PCDHA3: variants seen among roughly 807,000 people sequenced by gnomAD.
The protein encoded by PCDHA3 is protocadherin alpha 3, also known as protocadherin alpha-3.
In PCDHA3, 41 loss-of-function variants were observed where a neutral mutation model predicts 62.2. That is an observed-to-expected ratio of 0.66 (90% CI 0.51 to 0.86). The LOEUF (loss-of-function observed/expected upper bound fraction) is 0.86. PCDHA3 is among the 40% of genes least tolerant of loss of function. PCDHA3 has a pLI of 0.00. For synonymous variants in PCDHA3, 640 were observed against 555.4 expected, an observed-to-expected ratio of 1.15 and a Z score of -2.14; for missense variants, 1,304 against 1,241.2, an observed-to-expected ratio of 1.05 and a Z score of -0.76.
At chr5:140,851,697 TC>T in intron 1 of PCDHA3, 1 of 942,168 alleles carries the variant, frequency 1.1e-6, no homozygotes, top group Non-Finnish European at 1.3e-6. Flanking sequence ...GATAAAATGA[TC>T]AGCCATGTGA....
chr5:140,858,108 C>T (rs781859966), intron 1 of PCDHA3: 1 of 1,597,706 alleles, frequency 6.3e-7, no homozygotes, highest in South Asian at 1.1e-5. Context: ...GGCGTGGCGC[C>T]CGAGGTGGCC....
Position 140,884,687 on chromosome 5 carries a change from T to C in PCDHA3, c.2394+81096T>C, listed in dbSNP as rs782253030. The C allele has an allele frequency of 4.6e-6, 7 of 1,538,230 alleles. No homozygotes were observed. In the South Asian group the frequency reaches 8.8e-5, roughly 19 times the overall value. On this transcript the variant is annotated intron_variant, in intron 1 of 3. Coordinates refer to ENST00000522353, the MANE Select transcript of PCDHA3 (RefSeq NM_018906.3). ...GGTAAGCTTATATTTTAAAAAATTGTCTTAGTAAACACTTTAGCCTTCCTT... is the reference window on the plus strand; with the variant it reads ...GGTAAGCTTATATTTTAAAAAATTGCCTTAGTAAACACTTTAGCCTTCCTT...
chr5:140,844,747 T>C (rs1779528592), intron 1 of PCDHA3, among the ~76,000 whole-genome samples: 1 of 149,678 alleles, frequency 6.7e-6, no homozygotes, highest in Admixed American at 6.7e-5. Context: ...TATTATGGGA[T>C]AAATCTTTGA....
At chr5:140,829,537 G>A (rs782695954) in intron 1 of PCDHA3, 1 of 1,613,080 alleles carries the variant, frequency 6.2e-7, no homozygotes, top group Non-Finnish European at 8.5e-7. Context: ...CGCGAGACGC[G>A]GACGCGCAGG....
At chr5:140,962,786 A>G (rs1377248587) in intron 1 of PCDHA3, among the ~76,000 whole-genome samples, 6 of 152,216 alleles carry the variant, frequency 3.9e-5, no homozygotes, top group African/African-American at 1.4e-4. Context: ...ATTTTTAAAA[A>G]CTACTTTGGA....
intron 1 of PCDHA3, among the ~76,000 whole-genome samples, chr5:140,975,553 G>A (rs990389718): frequency 6.6e-6 from 1 of 152,226 alleles, no homozygotes; most frequent in Non-Finnish European, 1.5e-5. Flanking sequence ...TATTAGGAAG[G>A]AAAAGGAGAT....
At chr5:140,902,989 T>G (rs1350698990) in intron 1 of PCDHA3, among the ~76,000 whole-genome samples, 1 of 152,238 alleles carries the variant, frequency 6.6e-6, no homozygotes, top group East Asian at 1.9e-4. Context: ...GGTTCCATAT[T>G]TTTGCAATTG....
intron 1 of PCDHA3, chr5:140,858,613 T>A (rs953930839): frequency 8.3e-7 from 1 of 1,208,634 alleles, no homozygotes; most frequent in Non-Finnish European, 1.1e-6. Context: ...AATTTTTTTA[T>A]CCTACCCAGT....
intron 1 of PCDHA3, among the ~76,000 whole-genome samples, chr5:140,904,764 A>G (rs1354356510): frequency 2.0e-5 from 3 of 152,240 alleles, no homozygotes; most frequent in African/African-American, 4.8e-5. Context: ...CAAGAATAAG[A>G]TGGTATCACA....
chr5:140,823,174 A>T, intron 1 of PCDHA3: 1 of 1,613,916 alleles, frequency 6.2e-7, no homozygotes, highest in Non-Finnish European at 8.5e-7. Flanking sequence ...GAAGGAGAAC[A>T]ACCCGCCAGG....
Position 140,968,978 on chromosome 5 carries a change from G to T in PCDHA3, c.2395-9971G>T, listed in dbSNP as rs782147151. ...CAAGTGCTACCGCTACACTGCGTATGGCACTGCATGCTGTGGAGGCTTCTG... is the reference window on the plus strand; with the variant it reads ...CAAGTGCTACCGCTACACTGCGTATTGCACTGCATGCTGTGGAGGCTTCTG... On this transcript the variant is annotated intron_variant, in intron 1 of 3. Coordinates refer to ENST00000522353, the MANE Select transcript of PCDHA3 (RefSeq NM_018906.3). The T allele has an allele frequency of 8.7e-6, 14 of 1,614,212 alleles. No homozygotes were observed. Among genetic ancestry groups the T allele is most frequent in the Non-Finnish European group, 1.2e-5 (14 of 1,180,042 alleles).
At chr5:140,866,764 G>A (rs2049554706) in intron 1 of PCDHA3, 1 of 152,110 alleles carries the variant, frequency 6.6e-6, no homozygotes, top group Non-Finnish European at 1.5e-5. Flanking sequence ...GGACATACAG[G>A]CAGATTGTAT....
At chr5:140,804,803 A>G in intron 1 of PCDHA3, 1 of 301,786 alleles carries the variant, frequency 3.3e-6, no homozygotes, top group South Asian at 1.2e-4. Flanking sequence ...GGAGAGAAAT[A>G]GTAACCAACT....
In PCDHA3 at chr5:141,010,093, T is replaced by A. The variant is rs2098416026; in HGVS notation, c.*156T>A. On this transcript the variant is annotated 3_prime_UTR_variant, in exon 4 of 4. Transcript: ENST00000522353. The stretch of plus-strand genomic sequence containing the variant: ...TTCCCTGTGTCTGTCTAGAACGCAT[T>A]TAACAGGTTTTGTCGTAAAAGCTTT... 4 of 1,612,692 alleles carry A rather than the reference T, an allele frequency of 2.5e-6. No homozygotes were observed. Among genetic ancestry groups the A allele is most frequent in the Non-Finnish European group, 3.4e-6 (4 of 1,179,392 alleles).
intron 1 of PCDHA3, chr5:140,927,928 T>C: frequency 6.2e-7 from 1 of 1,614,214 alleles, no homozygotes; most frequent in Non-Finnish European, 8.5e-7. Context: ...CCTGACTCTT[T>C]CGAACCCAGT....
intron 3 of PCDHA3, among the ~76,000 whole-genome samples, chr5:141,003,441 AGAT>A (rs2098125025): frequency 6.6e-6 from 1 of 152,122 alleles, no homozygotes; most frequent in Non-Finnish European, 1.5e-5. Context: ...CCTCCCAAGT[AGAT>A]GAAATTACAG....
intron 1 of PCDHA3, among the ~76,000 whole-genome samples, chr5:140,978,010 T>G (rs2096785841): frequency 6.6e-6 from 1 of 152,156 alleles, no homozygotes; most frequent in African/African-American, 2.4e-5. Flanking sequence ...TTTTTCACAG[T>G]GACATTTTTG....
chr5:140,875,133 A>G (rs1269514593), intron 1 of PCDHA3, among the ~76,000 whole-genome samples: 1 of 152,228 alleles, frequency 6.6e-6, no homozygotes, highest in Non-Finnish European at 1.5e-5. Context: ...CTAAACCCGC[A>G]TTTATAAATG....
chr5:140,821,988 G>T, intron 1 of PCDHA3: 1 of 1,614,188 alleles, frequency 6.2e-7, no homozygotes, highest in African/African-American at 1.3e-5. Context: ...AGGGCCGCGG[G>T]GACCTTCTGG....
Sources: allele counts gnomAD v4.1 joint callset (sites outside exome capture counted in the v4.1 genomes callset), GRCh38; gene constraint gnomAD v4.1.1; transcripts MANE v1.5; gene names NCBI Gene and HGNC (gene_info 2026-07-23, HGNC 2026-07-21).